HDAC9: variants seen among roughly 807,000 people sequenced by gnomAD.
HDAC9 encodes MEF-2 interacting transcription repressor (MITR) protein.
Under a neutral mutation model 139.4 loss-of-function variants are expected in HDAC9, and 41 were observed. That is an observed-to-expected ratio of 0.29 (90% confidence interval 0.23 to 0.38). The LOEUF is 0.38. Among genes scored for constraint, HDAC9 ranks in the 10% least tolerant of loss-of-function variants. The probability of loss-of-function intolerance (pLI) is 1.00; values close to 1 mark genes in which losing one functional copy is unlikely to be tolerated. For synonymous variants in HDAC9, 517 were observed against 476.2 expected (o/e 1.09, Z -1.12); for missense variants, 1,147 against 1,297.0 (o/e 0.88, Z 1.78).
chr7:18,723,288 A>G (rs577240356), intron 12 of HDAC9, among the ~76,000 whole-genome samples: 77 of 152,302 alleles, frequency 5.1e-4, no homozygotes, highest in African/African-American at 1.8e-3. Flanking sequence ...AAAGCCCACT[A>G]TGTGTGAAAC....
chr7:18,391,387 C>A (rs961498398), intron 1 of HDAC9, among the ~76,000 whole-genome samples: 3 of 151,494 alleles, frequency 2.0e-5, no homozygotes, highest in African/African-American at 7.3e-5. Flanking sequence ...GCCATCCCCC[C>A]CCCAAAAAAA....
chr7:18,090,247 G>A (rs1782058845), intron 1 of HDAC9, among the ~76,000 whole-genome samples: 1 of 152,168 alleles, frequency 6.6e-6, no homozygotes. Flanking sequence ...AATTATGAGA[G>A]CAAGCTGCTC....
chr7:18,719,193 C>T (rs1784937960), intron 12 of HDAC9, among the ~76,000 whole-genome samples: 1 of 152,146 alleles, frequency 6.6e-6, no homozygotes, highest in Non-Finnish European at 1.5e-5. Context: ...ATTCTGGATA[C>T]AAGTCTCTTG....
At chr7:18,168,104 G>C (rs962163035) in intron 2 of HDAC9, among the ~76,000 whole-genome samples, 54 of 152,214 alleles carry the variant, frequency 3.5e-4, no homozygotes, top group African/African-American at 1.3e-3. Flanking sequence ...TCAAGTTCCT[G>C]TTAGTGGGAA....
intron 13 of HDAC9, among the ~76,000 whole-genome samples, chr7:18,730,073 C>G (rs776996667): frequency 3.9e-5 from 6 of 152,142 alleles, no homozygotes; most frequent in Admixed American, 6.6e-5. Flanking sequence ...CACTGAAAAT[C>G]TTACAAGAAA....
intron 1 of HDAC9, among the ~76,000 whole-genome samples, chr7:18,460,398 A>G (rs1180519629): frequency 1.3e-5 from 2 of 152,178 alleles, no homozygotes; most frequent in East Asian, 3.8e-4. Context: ...AAAATTTTGT[A>G]GAATTATGGT....
intron 23 of HDAC9, among the ~76,000 whole-genome samples, chr7:18,941,676 G>T (rs1782039439): frequency 6.6e-6 from 1 of 152,116 alleles, no homozygotes; most frequent in Non-Finnish European, 1.5e-5. Context: ...TGTATGATAT[G>T]TCAGAATAGT....
intron 16 of HDAC9, among the ~76,000 whole-genome samples, chr7:18,788,430 C>T (rs1251751391): frequency 6.6e-6 from 1 of 152,042 alleles, no homozygotes; most frequent in East Asian, 1.9e-4. Flanking sequence ...TATATGGTGG[C>T]CACAGTTTAG....
chr7:18,168,879 G>GTTTT lies in HDAC9; in HGVS notation c.25+6546_25+6549dup, dbSNP rs112502543. 6.2e-4 allele frequency among the ~76,000 whole-genome samples: 50 copies of GTTTT among 80,858 alleles called. 3 individuals carry two copies. The highest frequency in any genetic ancestry group is 8.3e-4 in the Non-Finnish European group (33 of 39,930). 53.0% of individuals were successfully genotyped at this position (80,858 alleles called of 152,430 possible). A position where few individuals can be genotyped will look rare whatever the true frequency, so the allele number is the denominator to read the frequency against. ...AGTTCTGAGGAGGTGCAAATGTCTT[G>GTTTT]TTTTTTTTTTTTTTTTTTTGTGTGT... On this transcript the variant is annotated intron_variant, in intron 2 of 12. Coordinates refer to the HDAC9 transcript ENST00000417496.
intron 1 of HDAC9, among the ~76,000 whole-genome samples, chr7:18,456,631 T>G (rs138752431): frequency 1.3e-3 from 194 of 152,290 alleles, no homozygotes; most frequent in Middle Eastern, 6.8e-3. Context: ...AAAATAAGAT[T>G]ATGTATAACA....
intron 12 of HDAC9, among the ~76,000 whole-genome samples, chr7:18,714,507 G>A (rs1280405011): frequency 6.6e-6 from 1 of 152,104 alleles, no homozygotes; most frequent in African/African-American, 2.4e-5. Flanking sequence ...GGAGTCTTAC[G>A]AATAAGGGCT....
intron 22 of HDAC9, among the ~76,000 whole-genome samples, chr7:18,883,848 G>T (rs987403976): frequency 2.0e-5 from 3 of 151,946 alleles, no homozygotes; most frequent in African/African-American, 7.2e-5. Context: ...TAAACTTGCA[G>T]AATATAATAT....
At chr7:18,896,026 G>A (rs1057097591) in intron 22 of HDAC9, among the ~76,000 whole-genome samples, 6 of 152,052 alleles carry the variant, frequency 3.9e-5, no homozygotes, top group African/African-American at 1.4e-4. Context: ...AAAAGGAGCA[G>A]CTGCAGTTTT....
At chr7:18,894,493 A>G (rs1284299943) in intron 22 of HDAC9, among the ~76,000 whole-genome samples, 5 of 152,112 alleles carry the variant, frequency 3.3e-5, no homozygotes, top group East Asian at 1.9e-4. Flanking sequence ...ACTGACCACT[A>G]GATTCAGTAA....
At chr7:18,743,424 C>G (rs1787634495) in intron 13 of HDAC9, among the ~76,000 whole-genome samples, 2 of 152,062 alleles carry the variant, frequency 1.3e-5, no homozygotes, top group Admixed American at 1.3e-4. Flanking sequence ...TACAATTTAT[C>G]AATTTTTTTA....
Position 18,727,628 on chromosome 7 carries a change from C to A in HDAC9, c.1780C>A (p.Pro594Thr). 1 of 1,589,170 alleles carries A rather than the reference C, an allele frequency of 6.3e-7. No homozygotes were observed. Among genetic ancestry groups the A allele is most frequent in the South Asian group, 1.2e-5 (1 of 86,678 alleles). The change falls in exon 13 of 26, where the codon CCG becomes ACG. Residue 594 changes from proline (P) to threonine (T), a missense_variant. Around this residue, in one of 7 missense-constraint regions of HDAC9, gnomAD observed 256 missense variants for 219.2 expected, o/e 1.17. Transcript: ENST00000686413. Reference sequence around the variant, plus strand: ...ACGTGCGCTCTCTGTGCGCCAAGCTCCGCTGGCTGCGGTTGGCATGGATGG... The same window carrying A: ...ACGTGCGCTCTCTGTGCGCCAAGCTACGCTGGCTGCGGTTGGCATGGATGG... Reference protein sequence around the residue: ...HTRALSVRQAPLAAVGMDGLE... With the variant: ...HTRALSVRQATLAAVGMDGLE...
rs1585047130 is a variant in HDAC9, at chr7:18,793,324, C to T, written c.2215-21C>T. 7.3e-6 allele frequency: 11 copies of T among 1,508,328 alleles called. No individual in the cohort carries two copies. In the East Asian group the frequency reaches 1.4e-4, roughly 20 times the overall value. 93.4% of individuals were successfully genotyped at this position (1,508,328 alleles called of 1,614,324 possible). A position where few individuals can be genotyped will look rare whatever the true frequency, so the allele number is the denominator to read the frequency against. ...TTCGCTTTCTTCTTCTGTCTTCGGA[C>T]TCTGCTGACTGTTTGCTCAGGTGGA... On this transcript the variant is annotated intron_variant, in intron 16 of 25. Transcript: ENST00000686413.
chr7:18,706,528 C>T (rs763245022), intron 12 of HDAC9, among the ~76,000 whole-genome samples: 3 of 152,196 alleles, frequency 2.0e-5, no homozygotes, highest in Non-Finnish European at 4.4e-5. Context: ...ATGTGCTGGA[C>T]ACTGGACAGG....
chr7:18,261,784 C>G (rs902677296), intron 2 of HDAC9, among the ~76,000 whole-genome samples: 1 of 152,162 alleles, frequency 6.6e-6, no homozygotes, highest in Non-Finnish European at 1.5e-5. Flanking sequence ...GGCATATTCC[C>G]TTTGTTTTTG....
Sources: allele counts gnomAD v4.1 joint callset (sites outside exome capture counted in the v4.1 genomes callset), GRCh38; gene constraint gnomAD v4.1.1; regional missense constraint gnomAD v4.1.1; transcripts MANE v1.5; gene names NCBI Gene and HGNC (gene_info 2026-07-23, HGNC 2026-07-21).